Variants in CCNJL observed in about 807,000 individuals in gnomAD.
CCNJL encodes the protein cyclin J like.
A neutral mutation model predicts 33.4 loss-of-function variants in CCNJL; 33 were observed. The ratio of observed to expected loss-of-function variants is 0.99; its 90% CI spans 0.75 to 1.32. CCNJL has a LOEUF of 1.32. CCNJL is among the 40% of genes most tolerant of loss of function. CCNJL has a pLI of 0.00. For synonymous variants in CCNJL, 227 were observed against 220.9 expected (o/e 1.03, Z -0.24); for missense variants, 512 against 499.7 (o/e 1.02, Z -0.23).
chr5:160,332,337 A>T (rs1763616712), intron 1 of CCNJL, among the ~76,000 whole-genome samples: 1 of 152,176 alleles, frequency 6.6e-6, no homozygotes, highest in South Asian at 2.1e-4. Context: ...GGATAGTGGC[A>T]AAAGCTCCCT....
chr5:160,319,930 TAATA>T (rs373569217), intron 1 of CCNJL, among the ~76,000 whole-genome samples: 10 of 151,372 alleles, frequency 6.6e-5, no homozygotes, highest in South Asian at 2.1e-4. Flanking sequence ...AATAAATAAA[TAATA>T]AATAAATAAA....
At chr5:160,303,265 G>A (rs936814590) in intron 2 of CCNJL, among the ~76,000 whole-genome samples, 3 of 152,138 alleles carry the variant, frequency 2.0e-5, no homozygotes, top group Non-Finnish European at 4.4e-5. Context: ...GAGCGCAATG[G>A]TGCAATCTCG....
At chr5:160,286,644 A>C (rs1334521930) in intron 2 of CCNJL, among the ~76,000 whole-genome samples, 2 of 152,130 alleles carry the variant, frequency 1.3e-5, no homozygotes, top group Non-Finnish European at 2.9e-5. Flanking sequence ...TCTCAAAAAA[A>C]AAGCAAAGAA....
At chr5:160,279,370 C>A in intron 3 of CCNJL, among the ~76,000 whole-genome samples, 1 of 152,248 alleles carries the variant, frequency 6.6e-6, no homozygotes, top group South Asian at 2.1e-4. Flanking sequence ...GCCTCTGGGG[C>A]ATTCCATTCC....
rs868443910 is a variant in CCNJL, at chr5:160,312,415, G to A, written c.-101C>T. 1.3e-5 allele frequency: 2 copies of A among 155,288 alleles called. No individual in the cohort carries two copies. Among genetic ancestry groups the A allele is most frequent in the Non-Finnish European group, 2.9e-5 (2 of 70,162 alleles). 9.6% of individuals were successfully genotyped at this position (155,288 alleles called of 1,614,324 possible). A position where few individuals can be genotyped will look rare whatever the true frequency, so the allele number is the denominator to read the frequency against. On this transcript the variant is annotated 5_prime_UTR_variant, in exon 1 of 6. Transcript: ENST00000257536. ...CGAGCGCCGGGCCCCTCCCAGTGCC[G>A]AGCCAGCCGTGCCCTCTGGTGCCTG...
intron 2 of CCNJL, 132 bp downstream of exon 2, chr5:160,311,726 A>C: frequency 2.6e-6 from 2 of 769,706 alleles, no homozygotes; most frequent in Non-Finnish European, 4.6e-6. Flanking sequence ...CTCCGGGAGA[A>C]GGTAAAGGGT....
chr5:160,338,415 A>G (rs1444986990), intron 1 of CCNJL, among the ~76,000 whole-genome samples: 3 of 148,454 alleles, frequency 2.0e-5, no homozygotes, highest in Non-Finnish European at 4.5e-5. Context: ...CCACCCCCCA[A>G]AAAAAGCCAA....
At chr5:160,285,109 G>C (rs904906839) in intron 2 of CCNJL, among the ~76,000 whole-genome samples, 1 of 152,080 alleles carries the variant, frequency 6.6e-6, no homozygotes, top group Non-Finnish European at 1.5e-5. Flanking sequence ...AGAATCACTT[G>C]AACCTGGTAG....
At chr5:160,300,790 G>A (rs1332080631) in intron 2 of CCNJL, among the ~76,000 whole-genome samples, 1 of 152,154 alleles carries the variant, frequency 6.6e-6, no homozygotes, top group Admixed American at 6.5e-5. Flanking sequence ...TTCTCTAGTA[G>A]GTGGGACTAC....
At chr5:160,293,822 G>C (rs1762665038) in intron 2 of CCNJL, among the ~76,000 whole-genome samples, 1 of 152,172 alleles carries the variant, frequency 6.6e-6, no homozygotes, top group South Asian at 2.1e-4. Flanking sequence ...GCCAGGGCTT[G>C]GGGTATGACA....
rs982326910 is a variant in CCNJL at position 160,253,486 on chromosome 5, G to A, written c.1056C>T (p.Ser352=). 1 of 1,614,106 alleles carries A rather than the reference G, an allele frequency of 6.2e-7. No homozygotes were observed. The highest frequency in any genetic ancestry group is 8.5e-7 in the Non-Finnish European group (1 of 1,179,990). The change falls in exon 6 of 6, where the codon AGC becomes AGT. Residue 352 remains serine, a synonymous_variant. Coordinates refer to ENST00000257536, the MANE Select transcript of CCNJL (RefSeq NM_001308173.3). Reference sequence around the variant, plus strand: ...GCTCAGCTGCAATGGCCATATGCATGCTAAGGGATGCAGGGACGGGCACGG... The same window carrying A: ...GCTCAGCTGCAATGGCCATATGCATACTAAGGGATGCAGGGACGGGCACGG... The part of the protein sequence containing the change: ...MCPVPVPASL[S]MHMAIAAEPR...
In CCNJL at chr5:160,253,455, G is replaced by A. The variant is rs755201303; in HGVS notation, c.1087C>T (p.His363Tyr). 5 of 1,613,250 alleles carry A rather than the reference G, an allele frequency of 3.1e-6. No individual in the cohort carries two copies. In the African/African-American group the frequency reaches 5.3e-5, roughly 17 times the overall value. The stretch of plus-strand genomic sequence containing the variant: ...CTTCCATAGGTGGTGGCGAGGCAGT[G>A]CCTGGGCTCAGCTGCAATGGCCATA... ...MHMAIAAEPRHCLATTYGSSY... is the reference protein window; with the variant it reads ...MHMAIAAEPRYCLATTYGSSY... Residue 363 changes from histidine to tyrosine, a missense_variant, in exon 6 of 6, where the codon CAC (histidine) becomes TAC (tyrosine). His to Tyr is a moderately conservative substitution (Grantham distance 83). Coordinates refer to ENST00000257536, the MANE Select transcript of CCNJL (RefSeq NM_001308173.3).
chr5:160,260,693 C>T (rs954844645), intron 3 of CCNJL, among the ~76,000 whole-genome samples: 3 of 152,208 alleles, frequency 2.0e-5, no homozygotes, highest in South Asian at 4.1e-4. Flanking sequence ...ATGTTCCTCA[C>T]TCTGGGAAAA....
At chr5:160,324,788 A>T (rs967939117) in intron 1 of CCNJL, among the ~76,000 whole-genome samples, 11 of 152,184 alleles carry the variant, frequency 7.2e-5, no homozygotes, top group Admixed American at 3.3e-4. Context: ...TCTTCTACAA[A>T]CTGTCCTTTA....
At chr5:160,264,021 C>A (rs1761464011) in intron 3 of CCNJL, among the ~76,000 whole-genome samples, 1 of 151,038 alleles carries the variant, frequency 6.6e-6, no homozygotes, top group Admixed American at 6.6e-5. Context: ...TCTCGGCTCA[C>A]CATATCTTCA....
chr5:160,253,785 C>A lies in CCNJL; in HGVS notation c.757G>T (p.Val253Phe), dbSNP rs776850524. Reference protein sequence around the residue: ...IEILLVVYDNVLKDAVAVKSQ... With the variant: ...IEILLVVYDNFLKDAVAVKSQ... ...TTGACGGCTACGGCATCCTTGAGGA[C>A]GTTGTCATACACTCTGAAACGAGAA... The change falls in exon 6 of 6, where the codon GTC becomes TTC. Residue 253 changes from valine to phenylalanine, a missense_variant. Val to Phe is a conservative substitution (Grantham distance 50, BLOSUM62 -1). Coordinates refer to ENST00000257536, the MANE Select transcript of CCNJL (RefSeq NM_001308173.3). 1 of 1,515,534 alleles carries A rather than the reference C, an allele frequency of 6.6e-7. No individual in the cohort carries two copies. Among genetic ancestry groups the A allele is most frequent in the African/African-American group, 1.4e-5 (1 of 72,628 alleles). The allele number at this position is 1,515,534 out of a possible 1,614,324, so 93.9% of individuals were successfully genotyped here.
At chr5:160,335,734 ATTTTTTTTTTTGAAATTTT>A (rs1763673301) in intron 1 of CCNJL, among the ~76,000 whole-genome samples, 1 of 134,242 alleles carries the variant, frequency 7.4e-6, no homozygotes, top group African/African-American at 2.8e-5. Flanking sequence ...ATCATGTCTA[ATTTTTTTTTTTGAAATTTT>A]TTTTTTTTTT....
Position 160,311,962 on chromosome 5 carries a change from C to T in CCNJL, c.-39G>A, listed in dbSNP as rs371701963. 33 of 1,602,004 alleles carry T rather than the reference C, an allele frequency of 2.1e-5. No individual in the cohort carries two copies. Among genetic ancestry groups the T allele is most frequent in the Non-Finnish European group, 2.5e-5 (29 of 1,169,546 alleles). ...CCGCTATCCGAGGCTACCCGGCTCT[C>T]AGGGCGCACCCTGCGTGGACACGGG... On this transcript the variant is annotated 5_prime_UTR_variant, in exon 2 of 6. Coordinates refer to ENST00000257536, the MANE Select transcript of CCNJL (RefSeq NM_001308173.3).
rs552501449 is a variant in CCNJL at position 160,270,982 on chromosome 5, C to T, written c.280+9543G>A. ...AAAAGTCCCAGAAACCTCACTATGT[C>T]GGTGACAAAGAGAGACTTTTCCTGT... On this transcript the variant is annotated intron_variant, in intron 3 of 5. Transcript: ENST00000257536. Among the ~76,000 whole-genome samples, 11 of 152,246 alleles carry T rather than the reference C, an allele frequency of 7.2e-5. No homozygotes were observed. In the East Asian group the frequency reaches 1.5e-3, roughly 21 times the overall value.
Sources: gnomAD v4.1 joint callset for allele counts (sites outside exome capture counted in the v4.1 genomes callset) on GRCh38, gnomAD v4.1.1 for gene constraint, MANE v1.5 for transcripts, NCBI Gene and HGNC (gene_info 2026-07-23, HGNC 2026-07-21) for gene names.